SORCS2: variants seen among roughly 807,000 people sequenced by gnomAD.
SORCS2 encodes VPS10 domain-containing receptor SorCS2.
In SORCS2, 100 loss-of-function variants were observed where a neutral mutation model predicts 141.6. That is an observed-to-expected ratio of 0.71 (90% CI 0.60 to 0.83). The LOEUF is 0.83. Among genes scored for constraint, SORCS2 ranks in the 40% least tolerant of loss-of-function variants. The probability of loss-of-function intolerance (pLI) is 0.00; values close to 1 mark genes in which losing one functional copy is unlikely to be tolerated. For missense variants in SORCS2, 1,646 were observed against 1,560.2 expected (o/e 1.05, Z -0.93); for synonymous variants, 789 against 676.9 (o/e 1.17, Z -2.57).
At chr4:7,279,169 T>A (rs979584756) in intron 1 of SORCS2, among the ~76,000 whole-genome samples, 2 of 152,110 alleles carry the variant, frequency 1.3e-5, no homozygotes, top group African/African-American at 4.8e-5. Context: ...GATACACCCC[T>A]CCTCCCTTTT....
chr4:7,340,554 A>T (rs1161890500), intron 1 of SORCS2, among the ~76,000 whole-genome samples: 2 of 152,252 alleles, frequency 1.3e-5, no homozygotes, highest in South Asian at 4.1e-4. Context: ...TGCGTGCCAC[A>T]GTCTCCTCCA....
intron 1 of SORCS2, among the ~76,000 whole-genome samples, chr4:7,331,718 C>T (rs1719665713): frequency 6.6e-6 from 1 of 152,178 alleles, no homozygotes; most frequent in Admixed American, 6.5e-5. Context: ...AAGTCTGTTT[C>T]TAACGAGCCC....
At chr4:7,379,528 C>T (rs766797119) in intron 1 of SORCS2, among the ~76,000 whole-genome samples, 4 of 152,196 alleles carry the variant, frequency 2.6e-5, no homozygotes, top group East Asian at 1.9e-4. Context: ...GAGGCTTTCC[C>T]GTTCACAAAT....
chr4:7,540,113 C>T lies in SORCS2; in HGVS notation c.648+8484C>T, dbSNP rs1465107528. Among the ~76,000 whole-genome samples the T allele has an allele frequency of 6.0e-5, 6 of 100,198 alleles. No homozygotes were observed. The East Asian group carries it at 1.7e-3, about 29-fold the overall frequency. 65.7% of individuals were successfully genotyped at this position (100,198 alleles called of 152,430 possible). On this transcript the variant is annotated intron_variant, in intron 3 of 26. Coordinates refer to ENST00000507866, the MANE Select transcript of SORCS2 (RefSeq NM_020777.3). ...GCCCCGCCCCCTTTGTGCTGTGGGG[C>T]CCCACTCCCTCCCTGCTATGAGGGC...
At chr4:7,714,483 C>G (rs573684876) in intron 16 of SORCS2, 110 bp downstream of exon 16, 2 of 1,238,758 alleles carry the variant, frequency 1.6e-6, no homozygotes, top group South Asian at 2.9e-5. Flanking sequence ...CCTTTTATAA[C>G]CTGGTGTCAC....
chr4:7,668,984 T>C (rs1432440398), intron 8 of SORCS2, among the ~76,000 whole-genome samples: 2 of 152,172 alleles, frequency 1.3e-5, no homozygotes, highest in East Asian at 1.9e-4. Flanking sequence ...CTAAGGAGCC[T>C]ATGGCTATAA....
intron 3 of SORCS2, among the ~76,000 whole-genome samples, chr4:7,547,041 C>G (rs1423463603): frequency 1.3e-5 from 2 of 152,202 alleles, no homozygotes; most frequent in Non-Finnish European, 2.9e-5. Context: ...ACAACCCCTG[C>G]TTTCTGGTGC....
At chr4:7,578,630 G>A (rs1048325536) in intron 3 of SORCS2, among the ~76,000 whole-genome samples, 1 of 152,180 alleles carries the variant, frequency 6.6e-6, no homozygotes, top group African/African-American at 2.4e-5. Flanking sequence ...AAACAAAGCC[G>A]AGAATGAGTG....
At chr4:7,299,376 CCT>C (rs906158938) in intron 1 of SORCS2, among the ~76,000 whole-genome samples, 2 of 152,226 alleles carry the variant, frequency 1.3e-5, no homozygotes, top group Non-Finnish European at 2.9e-5. Context: ...CTTGTCTTCC[CCT>C]CAGATGGCTC....
intron 1 of SORCS2, among the ~76,000 whole-genome samples, chr4:7,298,253 C>G (rs544436838): frequency 1.3e-5 from 2 of 152,164 alleles, no homozygotes; most frequent in African/African-American, 2.4e-5. Flanking sequence ...TCCGTTTGTA[C>G]TCTCCAGGGC....
At chr4:7,479,991 G>T (rs1730533126) in intron 2 of SORCS2, among the ~76,000 whole-genome samples, 1 of 152,256 alleles carries the variant, frequency 6.6e-6, no homozygotes, top group Non-Finnish European at 1.5e-5. Context: ...ATGCTGCTGG[G>T]AGAAGCTCAG....
intron 5 of SORCS2, 141 bp downstream of exon 5, chr4:7,654,348 C>T (rs1721622422): frequency 1.2e-6 from 1 of 811,344 alleles, no homozygotes; most frequent in Non-Finnish European, 2.0e-6. Flanking sequence ...CCCCACCGTC[C>T]ACTGCCTCTG....
chr4:7,687,671 C>T (rs1723962957), intron 10 of SORCS2, among the ~76,000 whole-genome samples: 1 of 152,108 alleles, frequency 6.6e-6, no homozygotes, highest in East Asian at 1.9e-4. Flanking sequence ...GACACAGGGC[C>T]ACCTTTCAGC....
intron 2 of SORCS2, among the ~76,000 whole-genome samples, chr4:7,516,712 G>C (rs1224104510): frequency 6.6e-6 from 1 of 152,174 alleles, no homozygotes; most frequent in Non-Finnish European, 1.5e-5. Context: ...AGAAGGAACT[G>C]GGCCACACTC....
At chr4:7,636,363 G>A (rs76764781) in intron 3 of SORCS2, among the ~76,000 whole-genome samples, 1 of 152,308 alleles carries the variant, frequency 6.6e-6, no homozygotes, top group African/African-American at 2.4e-5. Flanking sequence ...CAAGTTTGTC[G>A]AATGAGGGAA....
chr4:7,714,610 G>C (rs1334221439), intron 16 of SORCS2, among the ~76,000 whole-genome samples: 1 of 152,206 alleles, frequency 6.6e-6, no homozygotes, highest in Non-Finnish European at 1.5e-5. Context: ...AACCTTCTCA[G>C]TGGCTGCTCA....
At position 7,421,041 on chromosome 4, in the gene SORCS2, C is replaced by T. The variant is rs112489179; in HGVS notation, c.548+24686C>T. 8.5e-3 allele frequency among the ~76,000 whole-genome samples: 1,287 copies of T among 152,290 alleles called. 12 individuals are homozygous for T. Among genetic ancestry groups the T allele is most frequent in the South Asian group, 0.039 (190 of 4,826 alleles). On this transcript the variant is annotated intron_variant, in intron 2 of 26. Transcript: ENST00000507866. Reference sequence around the variant, plus strand: ...TGCCCTCCTCCTTGGAGATGGAGACCCGGGCCTGGTTCCCAGTTCTCTCTT... The same window carrying T: ...TGCCCTCCTCCTTGGAGATGGAGACTCGGGCCTGGTTCCCAGTTCTCTCTT...
chr4:7,682,566 C>T (rs967013675), intron 9 of SORCS2, among the ~76,000 whole-genome samples, 177 bp from the exon 10 acceptor site: 1 of 152,210 alleles, frequency 6.6e-6, no homozygotes. Flanking sequence ...AGTCTTGAAT[C>T]CCTGGCCCCT....
At chr4:7,690,499 G>C (rs1165196570) in intron 11 of SORCS2, among the ~76,000 whole-genome samples, 6 of 151,718 alleles carry the variant, frequency 4.0e-5, no homozygotes, top group African/African-American at 1.5e-4. Flanking sequence ...ATGATGGATA[G>C]ATGCTGAATG....
Sources: allele counts gnomAD v4.1 joint callset (sites outside exome capture counted in the v4.1 genomes callset), GRCh38; gene constraint gnomAD v4.1.1; transcripts MANE v1.5; gene names NCBI Gene and HGNC (gene_info 2026-07-23, HGNC 2026-07-21).